Variants in EYA4 observed in about 807,000 individuals in gnomAD.
The protein encoded by EYA4 is protein phosphatase EYA4.
EYA4 carries 31 observed loss-of-function variants against 87.9 expected under a neutral mutation model. The ratio of observed to expected loss-of-function variants is 0.35; its 90% CI spans 0.27 to 0.48. EYA4 has a LOEUF of 0.48. Ranked by LOEUF, EYA4 falls within the 20% of genes least tolerant of loss-of-function variation. The pLI is 0.99. For missense variants in EYA4, 678 were observed against 761.4 expected (o/e 0.89, Z 1.29); for synonymous variants, 263 against 270.6 (o/e 0.97, Z 0.28).
intron 3 of EYA4, among the ~76,000 whole-genome samples, chr6:133,440,491 C>A: frequency 6.6e-6 from 1 of 151,836 alleles, no homozygotes; most frequent in Non-Finnish European, 1.5e-5. Flanking sequence ...ACACAAATGA[C>A]AATAAGTTAA....
chr6:133,431,352 G>T (rs901547598), intron 3 of EYA4, among the ~76,000 whole-genome samples: 1 of 152,182 alleles, frequency 6.6e-6, no homozygotes, highest in African/African-American at 2.4e-5. Flanking sequence ...TCTAGGGCAA[G>T]TGTGGCTTGG....
rs145233374 is a variant in EYA4 at position 133,341,879 on chromosome 6, T to C, written c.34-40513T>C. On this transcript the variant is annotated intron_variant, in intron 2 of 19. Coordinates refer to ENST00000355286, the MANE Select transcript of EYA4 (RefSeq NM_004100.5). ...ATCTTTGAAATTTGATTTTCAGCAG[T>C]CTCCCCAAGTGACTGAATACATTTT... Among the ~76,000 whole-genome samples the C allele has an allele frequency of 9.8e-5, 15 of 152,288 alleles. No homozygotes were observed. The East Asian group carries it at 2.7e-3, about 28-fold the overall frequency.
chr6:133,462,244 C>T lies in EYA4; in HGVS notation c.438-91C>T, dbSNP rs1159204542. ...ATATTGTGGATAAAGAGGATTACTT[C>T]CTGGATATTATAGGGTTTCACTGAA... On this transcript the variant is annotated intron_variant, in intron 7 of 19. Transcript: ENST00000355286. 9 of 1,352,028 alleles carry T rather than the reference C, an allele frequency of 6.7e-6. No individual in the cohort carries two copies. The Admixed American group carries it at 1.3e-4, about 20-fold the overall frequency. 83.8% of individuals were successfully genotyped at this position (1,352,028 alleles called of 1,614,324 possible). A position where few individuals can be genotyped will look rare whatever the true frequency, so the allele number is the denominator to read the frequency against.
At chr6:133,353,355 A>G (rs755375555) in intron 2 of EYA4, among the ~76,000 whole-genome samples, 13 of 152,134 alleles carry the variant, frequency 8.5e-5, no homozygotes, top group Admixed American at 5.2e-4. Flanking sequence ...GTTAGGTGAC[A>G]AATGTTGAGA....
intron 3 of EYA4, among the ~76,000 whole-genome samples, chr6:133,438,513 C>T (rs1791927743): frequency 6.6e-6 from 1 of 151,058 alleles, no homozygotes; most frequent in Non-Finnish European, 1.5e-5. Flanking sequence ...TTCATCAAAA[C>T]CCAGCTAAGA....
chr6:133,476,841 T>C (rs1795782941), intron 11 of EYA4, among the ~76,000 whole-genome samples: 1 of 152,076 alleles, frequency 6.6e-6, no homozygotes, highest in Non-Finnish European at 1.5e-5. Context: ...ATGGCTGATA[T>C]GGTTTGGTGG....
chr6:133,427,349 A>G (rs964917133), intron 3 of EYA4, among the ~76,000 whole-genome samples: 2 of 152,228 alleles, frequency 1.3e-5, no homozygotes, highest in South Asian at 4.1e-4. Context: ...TTAGTCAATC[A>G]TGTTATCTGG....
At chr6:133,264,439 A>T (rs1454221113) in intron 1 of EYA4, among the ~76,000 whole-genome samples, 1 of 152,268 alleles carries the variant, frequency 6.6e-6, no homozygotes, top group Non-Finnish European at 1.5e-5. Flanking sequence ...GGTAACGTCC[A>T]GGGAGCAGGA....
In EYA4 at chr6:133,518,368, TAC is replaced by T. The variant is rs955920908; in HGVS notation, c.1616+2935_1616+2936del. Among the ~76,000 whole-genome samples the T allele has an allele frequency of 6.6e-5, 10 of 152,218 alleles. No homozygotes were observed. The East Asian group carries it at 1.9e-3, about 29-fold the overall frequency. On this transcript the variant is annotated intron_variant, in intron 17 of 19. Coordinates refer to ENST00000355286, the MANE Select transcript of EYA4 (RefSeq NM_004100.5). Reference sequence around the variant, plus strand: ...AAGAAATCAACATACATTGAGTAGTTACATGCTATGGAATTTGCTGAGTTATC... The same window carrying T: ...AAGAAATCAACATACATTGAGTAGTTATGCTATGGAATTTGCTGAGTTATC...
chr6:133,490,105 A>G (rs60226395), intron 13 of EYA4, among the ~76,000 whole-genome samples: 14,242 of 152,164 alleles, frequency 0.094, 1,323 homozygotes, highest in African/African-American at 0.22. Context: ...CATTGCCATC[A>G]ATTTCAATTA....
At chr6:133,505,295 A>C (rs1279104826) in intron 13 of EYA4, among the ~76,000 whole-genome samples, 1 of 152,064 alleles carries the variant, frequency 6.6e-6, no homozygotes, top group Admixed American at 6.6e-5. Flanking sequence ...GCAGTTAATT[A>C]TGGTAAAGTA....
intron 2 of EYA4, among the ~76,000 whole-genome samples, chr6:133,330,179 A>G (rs151002838): frequency 3.2e-3 from 493 of 152,254 alleles, no homozygotes; most frequent in African/African-American, 0.011. Flanking sequence ...ACTGATAGAG[A>G]TAATAAAGTC....
At chr6:133,426,465 A>C (rs1322159373) in intron 3 of EYA4, among the ~76,000 whole-genome samples, 1 of 152,182 alleles carries the variant, frequency 6.6e-6, no homozygotes, top group African/African-American at 2.4e-5. Flanking sequence ...AAACCATTTA[A>C]CTTTCTTCCT....
intron 2 of EYA4, among the ~76,000 whole-genome samples, chr6:133,296,771 A>G (rs1034802178): frequency 1.3e-5 from 2 of 151,908 alleles, no homozygotes; most frequent in African/African-American, 4.8e-5. Context: ...TTCATCATCT[A>G]TTTTTTTATT....
chr6:133,273,086 G>GATATATATATGTGT (rs1562232779), intron 1 of EYA4, among the ~76,000 whole-genome samples: 5 of 82,998 alleles, frequency 6.0e-5, no homozygotes, highest in African/African-American at 3.5e-4. Context: ...ACTAATAGGA[G>GATATATATATGTGT]ATATATATAT....
chr6:133,299,668 C>T lies in EYA4; in HGVS notation c.33+24855C>T, dbSNP rs191857868. On this transcript the variant is annotated intron_variant, in intron 2 of 19. Transcript: ENST00000355286. ...CGGAGCTTGTAGTGATCCGAGATCG[C>T]GCCACTGCACTCCAGCCTGGGCAAC... Among the ~76,000 whole-genome samples the T allele has an allele frequency of 9.2e-4, 139 of 150,924 alleles. 2 individuals carry two copies. The highest frequency in any genetic ancestry group is 3.1e-3 in the African/African-American group (129 of 40,972).
At chr6:133,273,973 G>A (rs1423822801) in intron 1 of EYA4, among the ~76,000 whole-genome samples, 1 of 151,768 alleles carries the variant, frequency 6.6e-6, no homozygotes, top group Non-Finnish European at 1.5e-5. Context: ...GGGTTACTTG[G>A]GTTTTTGGTG....
intron 3 of EYA4, among the ~76,000 whole-genome samples, chr6:133,396,192 A>T (rs1022749924): frequency 6.6e-5 from 10 of 152,204 alleles, no homozygotes; most frequent in African/African-American, 2.4e-4. Flanking sequence ...CTTCTAATGC[A>T]TTCTGTCATG....
Position 133,337,612 on chromosome 6 carries a change from C to T in EYA4, c.34-44780C>T, listed in dbSNP as rs527514380. 5.3e-5 allele frequency among the ~76,000 whole-genome samples: 8 copies of T among 152,160 alleles called. No homozygotes were observed. In the South Asian group the frequency reaches 1.7e-3, roughly 32 times the overall value. On this transcript the variant is annotated intron_variant, in intron 2 of 19. Transcript: ENST00000355286. ...ACACAGCTTAAATGGAAAAACAGAC[C>T]TTCAGAAAGTACTGTAGTACATTAA...
Sources: gnomAD v4.1 joint callset for allele counts (sites outside exome capture counted in the v4.1 genomes callset) on GRCh38, gnomAD v4.1.1 for gene constraint, MANE v1.5 for transcripts, NCBI Gene and HGNC (gene_info 2026-07-23, HGNC 2026-07-21) for gene names.